The following DDX10 variants were observed in gnomAD, a reference collection of about 807,000 sequenced individuals.
DDX10 encodes the protein probable ATP-dependent RNA helicase DDX10.
In DDX10, 74 loss-of-function variants were observed where a neutral mutation model predicts 104.3. That is an observed-to-expected ratio of 0.71 (90% CI 0.59 to 0.86). The LOEUF (loss-of-function observed/expected upper bound fraction) is 0.86. Ranked by LOEUF, DDX10 falls within the 40% of genes least tolerant of loss-of-function variation. The pLI is 0.00. For missense variants in DDX10, 952 were observed against 1,040.0 expected (o/e 0.92, Z 1.16); for synonymous variants, 351 against 353.4 (o/e 0.99, Z 0.08).
At position 108,701,121 on chromosome 11, in the gene DDX10, A is replaced by C. The variant is rs894968448; in HGVS notation, c.1224-5618A>C. Among the ~76,000 whole-genome samples the C allele has an allele frequency of 1.3e-5, 2 of 151,542 alleles. 1 individual carries two copies. Among genetic ancestry groups the C allele is most frequent in the South Asian group, 4.2e-4 (2 of 4,782 alleles). Reference sequence around the variant, plus strand: ...CTTTCTTTTCCCCAGAATATTTCCAAACCTGTTCTTTTTTCCTTTTTTAAA... The same window carrying C: ...CTTTCTTTTCCCCAGAATATTTCCACACCTGTTCTTTTTTCCTTTTTTAAA... On this transcript the variant is annotated intron_variant, in intron 9 of 17. Coordinates refer to ENST00000322536, the MANE Select transcript of DDX10 (RefSeq NM_004398.4).
chr11:108,733,125 T>A (rs2094314241), intron 13 of DDX10, among the ~76,000 whole-genome samples: 1 of 151,278 alleles, frequency 6.6e-6, no homozygotes, highest in African/African-American at 2.4e-5. Context: ...TTTTTTTTTT[T>A]AGTAGCTTTT....
chr11:108,759,639 C>A (rs945140165), intron 13 of DDX10, among the ~76,000 whole-genome samples: 3 of 151,994 alleles, frequency 2.0e-5, no homozygotes, highest in Admixed American at 6.6e-5. Context: ...TACATCTGTT[C>A]TAGGGCTTTT....
At chr11:108,750,270 T>C (rs558866792) in intron 13 of DDX10, among the ~76,000 whole-genome samples, 2 of 152,322 alleles carry the variant, frequency 1.3e-5, no homozygotes, top group East Asian at 3.9e-4. Flanking sequence ...AGTGATGCTA[T>C]AGTACCCACT....
chr11:108,808,306 C>T (rs1370870787), intron 13 of DDX10, among the ~76,000 whole-genome samples: 2 of 148,074 alleles, frequency 1.4e-5, no homozygotes, highest in Non-Finnish European at 3.0e-5. Flanking sequence ...TATAATTTGA[C>T]CTCTAAGTCA....
At chr11:108,904,093 G>GA (rs201369491) in intron 16 of DDX10, among the ~76,000 whole-genome samples, 1 of 151,868 alleles carries the variant, frequency 6.6e-6, no homozygotes, top group African/African-American at 2.4e-5. Context: ...GGAAGGGAGA[G>GA]AAAAAAAATT....
At chr11:108,805,772 A>G (rs1862089597) in intron 13 of DDX10, among the ~76,000 whole-genome samples, 1 of 152,142 alleles carries the variant, frequency 6.6e-6, no homozygotes, top group Non-Finnish European at 1.5e-5. Context: ...ATGAACAACA[A>G]TTGATAGATG....
chr11:108,903,079 C>T (rs1012308708), intron 16 of DDX10, among the ~76,000 whole-genome samples: 1 of 152,042 alleles, frequency 6.6e-6, no homozygotes, highest in Non-Finnish European at 1.5e-5. Context: ...GAAAACTTGA[C>T]CCTGCAGACC....
chr11:108,756,330 T>A (rs1591810353), intron 13 of DDX10, among the ~76,000 whole-genome samples: 1 of 152,134 alleles, frequency 6.6e-6, no homozygotes, highest in South Asian at 2.1e-4. Flanking sequence ...CCACATACAT[T>A]TGGATGTCAA....
chr11:108,816,147 C>G (rs1862251687), intron 13 of DDX10, among the ~76,000 whole-genome samples: 1 of 151,724 alleles, frequency 6.6e-6, no homozygotes, highest in African/African-American at 2.4e-5. Flanking sequence ...TCTTGGTTGT[C>G]TTTGCTGGTT....
intron 15 of DDX10, among the ~76,000 whole-genome samples, chr11:108,844,619 A>T (rs1862688855): frequency 6.6e-6 from 1 of 152,190 alleles, no homozygotes; most frequent in Non-Finnish European, 1.5e-5. Flanking sequence ...AATAACCTGT[A>T]CTTGAGTCCT....
intron 13 of DDX10, among the ~76,000 whole-genome samples, chr11:108,799,429 C>T (rs984225249): frequency 2.6e-5 from 4 of 152,126 alleles, no homozygotes; most frequent in Non-Finnish European, 5.9e-5. Context: ...TTCTTTGTAT[C>T]GAGTGGAATT....
intron 16 of DDX10, among the ~76,000 whole-genome samples, chr11:108,874,655 A>G (rs1863128432): frequency 6.6e-6 from 1 of 152,060 alleles, no homozygotes; most frequent in African/African-American, 2.4e-5. Flanking sequence ...TACAAGTGAC[A>G]GTTGCTTTTA....
intron 13 of DDX10, among the ~76,000 whole-genome samples, chr11:108,813,174 G>GTGA (rs1397722515): frequency 1.3e-5 from 2 of 152,074 alleles, no homozygotes; most frequent in African/African-American, 4.8e-5. Flanking sequence ...ATTCCTAGAA[G>GTGA]TGAAATAACT....
At chr11:108,806,521 G>A (rs992291022) in intron 13 of DDX10, among the ~76,000 whole-genome samples, 2 of 152,182 alleles carry the variant, frequency 1.3e-5, no homozygotes, top group Non-Finnish European at 2.9e-5. Flanking sequence ...CCATACAGTA[G>A]TCATCAAGGC....
chr11:108,768,436 CGTTT>C (rs2134523464), intron 13 of DDX10, among the ~76,000 whole-genome samples: 1 of 152,216 alleles, frequency 6.6e-6, no homozygotes, highest in East Asian at 1.9e-4. Flanking sequence ...GTCAAGTGGA[CGTTT>C]GTTATTATAT....
At chr11:108,682,086 T>C (rs2094236117) in intron 6 of DDX10, among the ~76,000 whole-genome samples, 1 of 152,186 alleles carries the variant, frequency 6.6e-6, no homozygotes, top group Non-Finnish European at 1.5e-5. Flanking sequence ...TTTTCATCTT[T>C]ACTAATTCTT....
chr11:108,665,352 C>T lies in DDX10; in HGVS notation c.186+13C>T, dbSNP rs1487549075. ...GAACTATGAAAAGGTGAGGCCGGCG[C>T]TGGGGAGGGGGCTCGGGCCGGCCAG... On this transcript the variant is annotated intron_variant, in intron 1 of 17. Coordinates refer to ENST00000322536, the MANE Select transcript of DDX10 (RefSeq NM_004398.4). 6.4e-7 allele frequency: 1 copy of T among 1,558,668 alleles called. No individual in the cohort carries two copies. The highest frequency in any genetic ancestry group is 8.7e-7 in the Non-Finnish European group (1 of 1,151,306).
At chr11:108,923,568 C>G (rs1173105643) in intron 17 of DDX10, among the ~76,000 whole-genome samples, 2 of 152,140 alleles carry the variant, frequency 1.3e-5, no homozygotes, top group African/African-American at 4.8e-5. Flanking sequence ...TGTCATGGGC[C>G]AGGCATGGAT....
At chr11:108,890,383 G>A (rs1001007716) in intron 16 of DDX10, among the ~76,000 whole-genome samples, 5 of 152,120 alleles carry the variant, frequency 3.3e-5, no homozygotes, top group Admixed American at 1.3e-4. Flanking sequence ...AACAAATGGT[G>A]TCTGTGTAGT....
Sources: allele counts gnomAD v4.1 joint callset (sites outside exome capture counted in the v4.1 genomes callset), GRCh38; gene constraint gnomAD v4.1.1; transcripts MANE v1.5; gene names NCBI Gene and HGNC (gene_info 2026-07-23, HGNC 2026-07-21).